The following LRP1B variants were observed in gnomAD, a reference collection of about 807,000 sequenced individuals.
LRP1B encodes low-density lipoprotein receptor-related protein 1B.
In LRP1B, 217 loss-of-function variants were observed where a neutral mutation model predicts 556.6. The ratio of observed to expected loss-of-function variants is 0.39; its 90% confidence interval spans 0.35 to 0.44. The LOEUF (loss-of-function observed/expected upper bound fraction) is 0.44, where lower values mean the gene tolerates loss of function less well. Among genes scored for constraint, LRP1B ranks in the 20% least tolerant of loss-of-function variants. The pLI, the probability that LRP1B is intolerant of heterozygous loss-of-function variation, is 1.00. For synonymous variants in LRP1B, 2,047 were observed against 1,865.8 expected (o/e 1.10, Z -2.50); for missense variants, 5,053 against 5,620.8 (o/e 0.90, Z 3.23).
chr2:140,629,674 C>T (rs1016679568), intron 41 of LRP1B, among the ~76,000 whole-genome samples: 2 of 152,072 alleles, frequency 1.3e-5, no homozygotes, highest in African/African-American at 4.8e-5. Context: ...TGTAAGTTTA[C>T]AAAAGCAAGC....
chr2:140,426,419 C>T (rs557781012), intron 66 of LRP1B, among the ~76,000 whole-genome samples: 36 of 152,256 alleles, frequency 2.4e-4, no homozygotes, highest in African/African-American at 7.5e-4. Flanking sequence ...CAAGCTAAGC[C>T]ATCATATCCC....
intron 32 of LRP1B, among the ~76,000 whole-genome samples, chr2:140,778,423 G>A (rs190204290): frequency 1.8e-4 from 27 of 152,178 alleles, no homozygotes; most frequent in African/African-American, 6.3e-4. Flanking sequence ...TCTCAATACC[G>A]TAAGTCTGAC....
intron 1 of LRP1B, among the ~76,000 whole-genome samples, chr2:142,113,710 T>C (rs1707087191): frequency 6.6e-6 from 1 of 152,070 alleles, no homozygotes; most frequent in Non-Finnish European, 1.5e-5. Flanking sequence ...GGACACTTGT[T>C]TTTATTCAAA....
intron 20 of LRP1B, among the ~76,000 whole-genome samples, chr2:140,926,960 C>A (rs1173522271): frequency 6.6e-6 from 1 of 152,144 alleles, no homozygotes; most frequent in Admixed American, 6.5e-5. Context: ...TTCATTACAT[C>A]AGATTGAACC....
intron 20 of LRP1B, among the ~76,000 whole-genome samples, chr2:140,944,214 A>G (rs1336899318): frequency 6.6e-6 from 1 of 152,134 alleles, no homozygotes; most frequent in Non-Finnish European, 1.5e-5. Context: ...CCTAGATTAA[A>G]TCAGAAAGAA....
intron 10 of LRP1B, among the ~76,000 whole-genome samples, chr2:141,054,060 CA>C (rs1471444709): frequency 6.6e-6 from 1 of 151,904 alleles, no homozygotes; most frequent in Non-Finnish European, 1.5e-5. Context: ...AAACAAAGTA[CA>C]AAAATGCATA....
chr2:141,314,195 A>G (rs1265375432), intron 3 of LRP1B, among the ~76,000 whole-genome samples: 1 of 152,150 alleles, frequency 6.6e-6, no homozygotes, highest in Admixed American at 6.5e-5. Flanking sequence ...GGGTTTAAAG[A>G]TATGTCAGAG....
chr2:141,598,571 T>C (rs1398930752), intron 2 of LRP1B, among the ~76,000 whole-genome samples: 3 of 152,124 alleles, frequency 2.0e-5, no homozygotes, highest in African/African-American at 7.2e-5. Flanking sequence ...ACGTCTTCCA[T>C]CTAATCTTTC....
At chr2:141,555,094 A>T (rs1685913393) in intron 2 of LRP1B, among the ~76,000 whole-genome samples, 1 of 151,994 alleles carries the variant, frequency 6.6e-6, no homozygotes, top group Non-Finnish European at 1.5e-5. Flanking sequence ...CACTCTATGA[A>T]GGACTGGAAA....
In LRP1B at chr2:140,771,834, T is replaced by C. The variant is rs552992246; in HGVS notation, c.5501-828A>G. On this transcript the variant is annotated intron_variant, in intron 33 of 90. Coordinates refer to ENST00000389484, the MANE Select transcript of LRP1B (RefSeq NM_018557.3). ...CATTTACTGGATGTTCAAGCACTGA[T>C]ATGAAGTGTAACAAATCCAGTGAGA... Among the ~76,000 whole-genome samples the C allele has an allele frequency of 7.2e-4, 109 of 152,356 alleles. 3 individuals carry two copies. Among genetic ancestry groups the C allele is most frequent in the Admixed American group, 7.1e-3 (109 of 15,286 alleles).
At chr2:140,961,650 T>C (rs1696038032) in intron 18 of LRP1B, among the ~76,000 whole-genome samples, 1 of 152,108 alleles carries the variant, frequency 6.6e-6, no homozygotes, top group Non-Finnish European at 1.5e-5. Flanking sequence ...TTTCTCAATA[T>C]AGTGTCACAG....
chr2:140,526,137 T>C (rs1690423215), intron 48 of LRP1B, 100 bp downstream of exon 48: 6 of 1,379,714 alleles, frequency 4.3e-6, no homozygotes, highest in South Asian at 2.5e-5. Context: ...GTTAATTACA[T>C]ACCAATTTTG....
chr2:141,351,878 A>G (rs1688456414), intron 3 of LRP1B, among the ~76,000 whole-genome samples: 2 of 151,942 alleles, frequency 1.3e-5, no homozygotes. Flanking sequence ...GAGGCAGTAG[A>G]TAGGCTATAT....
chr2:141,416,406 C>T (rs1330950435), intron 3 of LRP1B, among the ~76,000 whole-genome samples: 1 of 149,960 alleles, frequency 6.7e-6, no homozygotes, highest in African/African-American at 2.5e-5. Flanking sequence ...CTGCTTAGCA[C>T]AACTCCTAGC....
chr2:140,524,423 A>C (rs1390986295), intron 49 of LRP1B, among the ~76,000 whole-genome samples: 1 of 151,972 alleles, frequency 6.6e-6, no homozygotes, highest in Non-Finnish European at 1.5e-5. Context: ...AGATTTCTCA[A>C]AAACTAAAAG....
intron 20 of LRP1B, among the ~76,000 whole-genome samples, chr2:140,946,929 A>C (rs1365394261): frequency 6.6e-6 from 1 of 152,132 alleles, no homozygotes; most frequent in African/African-American, 2.4e-5. Flanking sequence ...GAAACAGAAA[A>C]CCATATATTA....
At position 140,442,498 on chromosome 2, in the gene LRP1B, A is replaced by G; in HGVS notation, c.10414+6T>C. The G allele has an allele frequency of 6.2e-7, 1 of 1,610,416 alleles. No individual in the cohort carries two copies. The highest frequency in any genetic ancestry group is 8.5e-7 in the Non-Finnish European group (1 of 1,178,522). On this transcript the variant is annotated splice_donor_region_variant and intron_variant, in intron 66 of 90. Transcript: ENST00000389484. ...AGAGATAAGACCCAGAGTCACAGAC[A>G]CTCACCGCAGTTGGCCTCGTCTGAT...
chr2:142,118,058 AG>A (rs1707333998), intron 1 of LRP1B, among the ~76,000 whole-genome samples: 1 of 152,198 alleles, frequency 6.6e-6, no homozygotes, highest in African/African-American at 2.4e-5. Context: ...AAACCATAGA[AG>A]AAAAGTTGCC....
intron 66 of LRP1B, among the ~76,000 whole-genome samples, chr2:140,434,708 T>C (rs1190175915): frequency 6.6e-6 from 1 of 152,160 alleles, no homozygotes; most frequent in African/African-American, 2.4e-5. Context: ...TTAAGATTGA[T>C]TGGACATCAG....
Sources: allele counts gnomAD v4.1 joint callset (sites outside exome capture counted in the v4.1 genomes callset), GRCh38; gene constraint gnomAD v4.1.1; transcripts MANE v1.5; gene names NCBI Gene and HGNC (gene_info 2026-07-23, HGNC 2026-07-21).